Variants in PRKG1 observed in about 807,000 individuals in gnomAD.
The protein encoded by PRKG1 is cGMP-dependent protein kinase 1.
In PRKG1, 35 loss-of-function variants were observed where a neutral mutation model predicts 88.1. The ratio of observed to expected loss-of-function variants is 0.40; its 90% CI spans 0.30 to 0.53. The LOEUF (loss-of-function observed/expected upper bound fraction) is 0.53, where lower values mean the gene tolerates loss of function less well. PRKG1 is among the 20% of genes least tolerant of loss of function. The pLI is 0.59. For synonymous variants in PRKG1, 303 were observed against 292.5 expected, an observed-to-expected ratio of 1.04 and a Z score of -0.37; for missense variants, 540 against 839.8, an observed-to-expected ratio of 0.64 and a Z score of 4.41.
intron 5 of PRKG1, among the ~76,000 whole-genome samples, chr10:51,918,168 G>A (rs148142098): frequency 6.6e-6 from 1 of 152,038 alleles, no homozygotes; most frequent in Admixed American, 6.6e-5. Context: ...ATTAAATGGG[G>A]AAGTATTTTA....
Position 52,294,685 on chromosome 10 carries a change from T to G in PRKG1, c.*785T>G, listed in dbSNP as rs1449777953. 2.0e-5 allele frequency: 3 copies of G among 152,560 alleles called. No homozygotes were observed. The highest frequency in any genetic ancestry group is 1.9e-4 in the East Asian group (1 of 5,202). 9.5% of individuals were successfully genotyped at this position (152,560 alleles called of 1,614,324 possible). A position where few individuals can be genotyped will look rare whatever the true frequency, so the allele number is the denominator to read the frequency against. On this transcript the variant is annotated 3_prime_UTR_variant, in exon 18 of 18. Transcript: ENST00000373980. Reference sequence around the variant, plus strand: ...AGCAATTCACAAAACCATTTCATATTTTTTAAAATATTGTGCTTAAAGATG... The same window carrying G: ...AGCAATTCACAAAACCATTTCATATGTTTTAAAATATTGTGCTTAAAGATG...
intron 1 of PRKG1, among the ~76,000 whole-genome samples, chr10:51,113,915 G>A (rs1022569271): frequency 3.3e-5 from 5 of 151,150 alleles, no homozygotes; most frequent in Non-Finnish European, 7.4e-5. Flanking sequence ...ATTTCCAGGG[G>A]AGCACTTCAG....
intron 3 of PRKG1, among the ~76,000 whole-genome samples, chr10:51,507,794 A>C (rs1352730894): frequency 1.3e-5 from 2 of 152,146 alleles, no homozygotes; most frequent in African/African-American, 2.4e-5. Flanking sequence ...AGCTCTTTCA[A>C]TTACACCATC....
At chr10:51,571,586 G>A (rs1490747132) in intron 3 of PRKG1, among the ~76,000 whole-genome samples, 3 of 151,844 alleles carry the variant, frequency 2.0e-5, no homozygotes, top group South Asian at 2.1e-4. Context: ...AAGTTTTCAC[G>A]AGCTCTTGGG....
At chr10:51,229,941 A>AAG (rs35154002) in intron 2 of PRKG1, among the ~76,000 whole-genome samples, 52,722 of 135,642 alleles carry the variant, frequency 0.39, 10,579 homozygotes, top group South Asian at 0.46. Flanking sequence ...AAAAAAAAAA[A>AAG]AAAAAAAGAA....
intron 2 of PRKG1, among the ~76,000 whole-genome samples, chr10:51,262,187 G>T (rs772265738): frequency 4.6e-5 from 7 of 151,866 alleles, no homozygotes; most frequent in Non-Finnish European, 7.4e-5. Context: ...TGCCCGGCCA[G>T]GACTTTCTAA....
intron 2 of PRKG1, among the ~76,000 whole-genome samples, chr10:51,160,564 T>C (rs960219063): frequency 8.5e-5 from 13 of 152,342 alleles, no homozygotes; most frequent in African/African-American, 3.1e-4. Flanking sequence ...TGCCTAAGTT[T>C]TCTGATTGTC....
chr10:52,035,213 G>T (rs932548106), intron 5 of PRKG1, among the ~76,000 whole-genome samples: 13 of 152,114 alleles, frequency 8.5e-5, no homozygotes, highest in Admixed American at 7.9e-4. Flanking sequence ...TCCAGTGAAA[G>T]TATCTACCTA....
chr10:51,857,335 T>TAATA (rs1840709040), intron 4 of PRKG1, among the ~76,000 whole-genome samples: 1 of 152,238 alleles, frequency 6.6e-6, no homozygotes, highest in Admixed American at 6.5e-5. Context: ...CAACTAATTC[T>TAATA]AATACTAATG....
At chr10:51,621,009 G>GTGTATATATA (rs890337361) in intron 3 of PRKG1, among the ~76,000 whole-genome samples, 5 of 121,902 alleles carry the variant, frequency 4.1e-5, no homozygotes, top group Admixed American at 3.5e-4. Flanking sequence ...GTATATGTGT[G>GTGTATATATA]TATATATATA....
At chr10:51,364,173 T>C (rs549246659) in intron 2 of PRKG1, among the ~76,000 whole-genome samples, 1 of 151,964 alleles carries the variant, frequency 6.6e-6, no homozygotes, top group East Asian at 1.9e-4. Flanking sequence ...TCTTAGCTGG[T>C]TTCTCTATAT....
chr10:51,851,400 C>A (rs568269416), intron 4 of PRKG1, among the ~76,000 whole-genome samples: 1 of 152,116 alleles, frequency 6.6e-6, no homozygotes, highest in Admixed American at 6.5e-5. Context: ...TGCTAGTAAG[C>A]ATCCTTAAAT....
intron 2 of PRKG1, among the ~76,000 whole-genome samples, chr10:51,318,676 A>C (rs1588832954): frequency 6.6e-6 from 1 of 152,206 alleles, no homozygotes; most frequent in African/African-American, 2.4e-5. Context: ...GGGGATTTAA[A>C]GATTACTTTC....
chr10:52,066,311 T>C (rs574603744), intron 7 of PRKG1, among the ~76,000 whole-genome samples: 62 of 152,330 alleles, frequency 4.1e-4, no homozygotes, highest in African/African-American at 1.4e-3. Context: ...TGTCCTCAAC[T>C]GTATTTCATA....
chr10:51,147,707 A>C (rs1419582121), intron 1 of PRKG1, among the ~76,000 whole-genome samples: 1 of 152,220 alleles, frequency 6.6e-6, no homozygotes, highest in African/African-American at 2.4e-5. Context: ...GCTAACATTA[A>C]TTTTGGCCAG....
At chr10:51,901,668 A>G (rs1841981609) in intron 4 of PRKG1, among the ~76,000 whole-genome samples, 1 of 152,176 alleles carries the variant, frequency 6.6e-6, no homozygotes, top group Non-Finnish European at 1.5e-5. Context: ...TCATGTCTAC[A>G]TTTTAAAAAT....
Position 51,728,449 on chromosome 10 carries a change from C to CTTTTTTTT in PRKG1, c.593-76133_593-76132insTTTTTTTT, listed in dbSNP as rs201683049. On this transcript the variant is annotated intron_variant, in intron 3 of 17. Coordinates refer to ENST00000373980, the MANE Select transcript of PRKG1 (RefSeq NM_006258.4). The stretch of plus-strand genomic sequence containing the variant: ...AAACAATAGCAAAATTCCATTTTTT[C>CTTTTTTTT]TTTGTTTTTTTTTTTTTTTTTTTTT... 9.5e-4 allele frequency among the ~76,000 whole-genome samples: 55 copies of CTTTTTTTT among 57,880 alleles called. 2 individuals are homozygous for CTTTTTTTT. The highest frequency in any genetic ancestry group is 1.9e-3 in the East Asian group (4 of 2,070). The allele number at this position is 57,880 out of a possible 152,430, so 38.0% of individuals were successfully genotyped here. A position where few individuals can be genotyped will look rare whatever the true frequency, so the allele number is the denominator to read the frequency against.
intron 9 of PRKG1, among the ~76,000 whole-genome samples, chr10:52,209,917 C>T (rs531983280): frequency 3.9e-5 from 6 of 152,294 alleles, no homozygotes; most frequent in Admixed American, 1.3e-4. Context: ...TCTTTAGCAA[C>T]GTATCTTGAG....
chr10:51,033,990 G>A (rs1178962847), intron 1 of PRKG1, among the ~76,000 whole-genome samples: 1 of 152,040 alleles, frequency 6.6e-6, no homozygotes, highest in African/African-American at 2.4e-5. Flanking sequence ...GCCACAGCAT[G>A]CCTCACACCA....
Sources: allele counts gnomAD v4.1 joint callset (sites outside exome capture counted in the v4.1 genomes callset), GRCh38; gene constraint gnomAD v4.1.1; transcripts MANE v1.5; gene names NCBI Gene and HGNC (gene_info 2026-07-23, HGNC 2026-07-21).